The following CNTNAP2 variants were observed in gnomAD, a reference collection of about 807,000 sequenced individuals.
CNTNAP2 encodes the protein contactin-associated protein-like 2.
A neutral mutation model predicts 155.2 loss-of-function variants in CNTNAP2; 98 were observed. That is an observed-to-expected ratio of 0.63 (90% CI 0.54 to 0.75). CNTNAP2 has a LOEUF of 0.75. Among genes scored for constraint, CNTNAP2 ranks in the 30% least tolerant of loss-of-function variants. The probability of loss-of-function intolerance (pLI) is 0.00; values close to 1 mark genes in which losing one functional copy is unlikely to be tolerated. For synonymous variants in CNTNAP2, 651 were observed against 631.2 expected (o/e 1.03, Z -0.47); for missense variants, 1,727 against 1,688.1 (o/e 1.02, Z -0.40).
intron 1 of CNTNAP2, among the ~76,000 whole-genome samples, chr7:146,154,368 G>A (rs947392641): frequency 2.0e-5 from 3 of 152,096 alleles, no homozygotes; most frequent in Non-Finnish European, 2.9e-5. Flanking sequence ...GCTATACAGT[G>A]TTTTTTAATA....
At chr7:146,359,705 T>A (rs1317310266) in intron 1 of CNTNAP2, among the ~76,000 whole-genome samples, 1 of 152,192 alleles carries the variant, frequency 6.6e-6, no homozygotes, top group Non-Finnish European at 1.5e-5. Context: ...CTTATTATAA[T>A]GTAATAGCAT....
chr7:147,566,146 A>C (rs1371092053), intron 12 of CNTNAP2, among the ~76,000 whole-genome samples: 1 of 149,240 alleles, frequency 6.7e-6, no homozygotes, highest in East Asian at 2.0e-4. Flanking sequence ...AAAAACAAAA[A>C]CTAGCTGGGC....
At chr7:146,282,736 T>C (rs1473089348) in intron 1 of CNTNAP2, among the ~76,000 whole-genome samples, 1 of 152,130 alleles carries the variant, frequency 6.6e-6, no homozygotes, top group Admixed American at 6.5e-5. Flanking sequence ...CAAAATTCTG[T>C]GTATGAGTTT....
intron 13 of CNTNAP2, among the ~76,000 whole-genome samples, chr7:147,680,830 A>G (rs1324973118): frequency 3.3e-5 from 5 of 151,454 alleles, no homozygotes; most frequent in African/African-American, 4.8e-5. Flanking sequence ...TAAATAGCAT[A>G]AACTAATACC....
chr7:147,861,151 G>A (rs568612460), intron 13 of CNTNAP2, among the ~76,000 whole-genome samples: 1 of 152,260 alleles, frequency 6.6e-6, no homozygotes, highest in South Asian at 2.1e-4. Context: ...CTGTGAGAAA[G>A]AACTAAGCTT....
Position 146,628,713 on chromosome 7 carries a change from T to C in CNTNAP2, c.98-145558T>C, listed in dbSNP as rs185900475. Among the ~76,000 whole-genome samples, 11 of 152,190 alleles carry C rather than the reference T, an allele frequency of 7.2e-5. No homozygotes were observed. In the East Asian group the frequency reaches 2.1e-3, roughly 29 times the overall value. ...CCTGTTACATTCATAGGATAGTATT[T>C]AGAGACTGTACTTCGATCAAGTATA... On this transcript the variant is annotated intron_variant, in intron 1 of 23. Transcript: ENST00000361727.
intron 9 of CNTNAP2, among the ~76,000 whole-genome samples, chr7:147,321,132 G>A (rs904738122): frequency 2.6e-5 from 4 of 152,154 alleles, no homozygotes; most frequent in African/African-American, 4.8e-5. Flanking sequence ...TCCCAGTGGA[G>A]GTGAGCCCTC....
chr7:147,095,122 C>T (rs766253808), intron 4 of CNTNAP2, among the ~76,000 whole-genome samples: 14 of 151,756 alleles, frequency 9.2e-5, no homozygotes, highest in South Asian at 2.1e-4. Context: ...CGGGTTCAAG[C>T]GATTCTCCTG....
chr7:147,709,141 G>A (rs560963184), intron 13 of CNTNAP2, among the ~76,000 whole-genome samples: 41 of 152,220 alleles, frequency 2.7e-4, no homozygotes, highest in African/African-American at 8.2e-4. Flanking sequence ...CCAAGGTTAC[G>A]CTCTTCTCTC....
intron 1 of CNTNAP2, among the ~76,000 whole-genome samples, chr7:146,239,992 A>G (rs1413086988): frequency 6.6e-6 from 1 of 152,214 alleles, no homozygotes; most frequent in Non-Finnish European, 1.5e-5. Flanking sequence ...TTTTCATTAG[A>G]TTTATAAAGG....
At chr7:147,796,979 C>A (rs79239956) in intron 13 of CNTNAP2, among the ~76,000 whole-genome samples, 1 of 151,920 alleles carries the variant, frequency 6.6e-6, no homozygotes, top group East Asian at 1.9e-4. Context: ...TGATCAAGAT[C>A]GTGGAGATAG....
At chr7:147,433,243 C>T (rs576819292) in intron 10 of CNTNAP2, among the ~76,000 whole-genome samples, 21 of 152,200 alleles carry the variant, frequency 1.4e-4, no homozygotes, top group South Asian at 2.1e-4. Context: ...TGTTAAGTTC[C>T]GTGGGCGAAT....
intron 20 of CNTNAP2, among the ~76,000 whole-genome samples, chr7:148,248,232 C>T (rs1319241217): frequency 1.3e-5 from 2 of 151,712 alleles, no homozygotes; most frequent in African/African-American, 4.8e-5. Flanking sequence ...AGAGTCCCGC[C>T]CTGTCATCTA....
At chr7:146,297,146 A>G (rs980822588) in intron 1 of CNTNAP2, among the ~76,000 whole-genome samples, 16 of 152,120 alleles carry the variant, frequency 1.1e-4, no homozygotes, top group African/African-American at 3.4e-4. Context: ...TATTTCCATC[A>G]TTTGTTCATT....
chr7:146,664,573 G>T (rs1051221971), intron 1 of CNTNAP2, among the ~76,000 whole-genome samples: 1 of 152,102 alleles, frequency 6.6e-6, no homozygotes. Context: ...AAGGATTTTT[G>T]TATTCATATT....
intron 21 of CNTNAP2, among the ~76,000 whole-genome samples, chr7:148,303,651 A>G (rs1226267016): frequency 6.6e-6 from 1 of 152,240 alleles, no homozygotes; most frequent in Non-Finnish European, 1.5e-5. Context: ...GGATGATAAT[A>G]TCAATAAATT....
At chr7:146,734,483 G>A (rs1016275013) in intron 1 of CNTNAP2, among the ~76,000 whole-genome samples, 1 of 151,548 alleles carries the variant, frequency 6.6e-6, no homozygotes, top group African/African-American at 2.4e-5. Context: ...AAGAAGGAAT[G>A]ATGATATTAT....
rs942896324 is a variant in CNTNAP2 at position 146,570,274 on chromosome 7, G to C, written c.98-203997G>C. ...GTAATTTGCTCACCAGCAAACACTGGATAATGTAATATATAACTTTCTCTA... is the reference window on the plus strand; with the variant it reads ...GTAATTTGCTCACCAGCAAACACTGCATAATGTAATATATAACTTTCTCTA... On this transcript the variant is annotated intron_variant, in intron 1 of 23. Transcript: ENST00000361727. Among the ~76,000 whole-genome samples, 5 of 151,958 alleles carry C rather than the reference G, an allele frequency of 3.3e-5. No individual in the cohort carries two copies. The South Asian group carries it at 1.0e-3, about 32-fold the overall frequency.
intron 20 of CNTNAP2, among the ~76,000 whole-genome samples, chr7:148,233,952 C>T (rs898770381): frequency 2.0e-5 from 3 of 152,172 alleles, no homozygotes; most frequent in Admixed American, 6.5e-5. Context: ...CCTCTTCCTC[C>T]TTCTCAGGCC....
Sources: gnomAD v4.1 joint callset for allele counts (sites outside exome capture counted in the v4.1 genomes callset) on GRCh38, gnomAD v4.1.1 for gene constraint, MANE v1.5 for transcripts, NCBI Gene and HGNC (gene_info 2026-07-23, HGNC 2026-07-21) for gene names.